Variants in WRNIP1 observed in about 807,000 individuals in gnomAD.
WRNIP1 encodes WRN helicase interacting protein 1, also known as ATPase WRNIP1.
WRNIP1 carries 41 observed loss-of-function variants against 56.1 expected under a neutral mutation model. That is an observed-to-expected ratio of 0.73 (90% CI 0.57 to 0.95). The LOEUF (loss-of-function observed/expected upper bound fraction) is 0.95, where lower values mean the gene tolerates loss of function less well. Ranked by LOEUF, WRNIP1 falls within the 40% of genes least tolerant of loss-of-function variation. WRNIP1 has a pLI of 0.00. For missense variants in WRNIP1, 1,170 were observed against 939.4 expected (o/e 1.25, Z -3.21); for synonymous variants, 547 against 398.1 (o/e 1.37, Z -4.45).
intron 1 of WRNIP1, among the ~76,000 whole-genome samples, chr6:2,767,475 C>G (rs1765069633): frequency 6.6e-6 from 1 of 152,346 alleles, no homozygotes; most frequent in South Asian, 2.1e-4. Flanking sequence ...CCTTTAACTC[C>G]AGTTCCTGGA....
chr6:2,766,096 CGAGGCGGAGGCGCAG>C lies in WRNIP1; in HGVS notation c.479_493del (p.Ala160_Glu164del). 1.5e-6 allele frequency: 2 copies of C among 1,314,978 alleles called. No homozygotes were observed. Among genetic ancestry groups the C allele is most frequent in the Non-Finnish European group, 1.9e-6 (2 of 1,039,554 alleles). 81.5% of individuals were successfully genotyped at this position (1,314,978 alleles called of 1,614,324 possible). ...GGAGCGCGTCTCCGCGCAGCTGGGACGAGGCGGAGGCGCAGGAGGAGGAGGAGGCCGTGGGCGACG... is the reference window on the plus strand; with the variant it reads ...GGAGCGCGTCTCCGCGCAGCTGGGACGAGGAGGAGGAGGCCGTGGGCGACG... On this transcript the variant is annotated inframe_deletion, in exon 1 of 7. Transcript: ENST00000380773.
rs1316583548 is a variant in WRNIP1 at position 2,785,399 on chromosome 6, C to T, written c.*117C>T. The stretch of plus-strand genomic sequence containing the variant: ...AGTTAGAACAGACCAACATTTTGTG[C>T]CAGAAATTTAAGAGTTCCATAGGTG... On this transcript the variant is annotated 3_prime_UTR_variant, in exon 7 of 7. Coordinates refer to ENST00000380773, the MANE Select transcript of WRNIP1 (RefSeq NM_020135.3). 6.4e-6 allele frequency: 8 copies of T among 1,250,478 alleles called. No homozygotes were observed. The highest frequency in any genetic ancestry group is 8.8e-6 in the Non-Finnish European group (8 of 912,644). The allele number at this position is 1,250,478 out of a possible 1,614,324, so 77.5% of individuals were successfully genotyped here.
At chr6:2,768,374 A>T (rs1001000656) in intron 1 of WRNIP1, among the ~76,000 whole-genome samples, 12 of 152,182 alleles carry the variant, frequency 7.9e-5, no homozygotes, top group Admixed American at 2.6e-4. Context: ...CTGCTAAATC[A>T]AGACAGCCGT....
Position 2,765,599 on chromosome 6 carries a change from G to C in WRNIP1, c.-24G>C. On this transcript the variant is annotated 5_prime_UTR_variant, in exon 1 of 7. Transcript: ENST00000380773. The stretch of plus-strand genomic sequence containing the variant: ...GCACGGGTTGCTGCGGCCGCGCCGG[G>C]CGCCGGGGAGGGCGGCGGCCGCCAT... The C allele has an allele frequency of 6.7e-7, 1 of 1,489,350 alleles. No homozygotes were observed. Among genetic ancestry groups the C allele is most frequent in the Non-Finnish European group, 8.9e-7 (1 of 1,127,214 alleles). 92.3% of individuals were successfully genotyped at this position (1,489,350 alleles called of 1,614,324 possible).
At chr6:2,783,653 T>TTTTTTCC in intron 5 of WRNIP1, 92 bp downstream of exon 5, 3 of 119,820 alleles carry the variant, frequency 2.5e-5, no homozygotes, top group African/African-American at 9.0e-5. Context: ...TTTTTTTTTT[T>TTTTTTCC]GCAGGGCGGG....
At position 2,770,259 on chromosome 6, in the gene WRNIP1, T is replaced by C. The variant is rs1470086796; in HGVS notation, c.1154T>C (p.Met385Thr). ...IVLEKLPVEA[M>T]VTILMRAINS... ...CTTGAGAAGCTTCCAGTAGAGGCAA[T>C]GGTGACTATTTTAATGCGAGCGATC... The change falls in exon 3 of 7, where the codon ATG becomes ACG. Residue 385 changes from methionine to threonine, a missense_variant. Physicochemically the swap from Met to Thr is moderately conservative, Grantham distance 81. Transcript: ENST00000380773. 1 of 1,613,996 alleles carries C rather than the reference T, an allele frequency of 6.2e-7. No individual in the cohort carries two copies.
intron 4 of WRNIP1, among the ~76,000 whole-genome samples, chr6:2,782,237 C>A (rs767939425): frequency 6.6e-6 from 1 of 152,208 alleles, no homozygotes; most frequent in Non-Finnish European, 1.5e-5. Context: ...GACACCCTCT[C>A]GGCCAGTGTC....
At chr6:2,773,084 C>A in intron 3 of WRNIP1, 7 of 985,358 alleles carry the variant, frequency 7.1e-6, no homozygotes, top group East Asian at 1.1e-4. Context: ...ATCAAGCTGC[C>A]GCTTAGCCGT....
chr6:2,767,990 C>T (rs539384813), intron 1 of WRNIP1, among the ~76,000 whole-genome samples: 10 of 152,332 alleles, frequency 6.6e-5, no homozygotes, highest in African/African-American at 2.2e-4. Context: ...ATTAAACAGT[C>T]TTCAGTTTTT....
At chr6:2,769,863 T>A (rs1457691113) in intron 2 of WRNIP1, among the ~76,000 whole-genome samples, 1 of 152,200 alleles carries the variant, frequency 6.6e-6, no homozygotes, top group Non-Finnish European at 1.5e-5. Context: ...TAAGCTAGAA[T>A]TCTACTTAAA....
chr6:2,770,428 GA>G, intron 3 of WRNIP1, 67 bp downstream of exon 3: 3 of 1,591,992 alleles, frequency 1.9e-6, no homozygotes, highest in South Asian at 1.1e-5. Flanking sequence ...CAGGGGGCCA[GA>G]AAGGGCCGGG....
Position 2,785,338 on chromosome 6 carries a change from A to T in WRNIP1, c.*56A>T. ...GCTTTTTTAAGGGAGGGCCAGAAAG[A>T]AAGTTAGTGGATTGCAAAGTTGGTT... is the stretch of plus-strand genomic sequence containing the variant. On this transcript the variant is annotated 3_prime_UTR_variant, in exon 7 of 7. Transcript: ENST00000380773. 6.3e-7 allele frequency: 1 copy of T among 1,580,084 alleles called. No homozygotes were observed. The highest frequency in any genetic ancestry group is 1.9e-4 in the Middle Eastern group (1 of 5,188).
rs1026840331 is a variant in WRNIP1 at position 2,785,476 on chromosome 6, C to T, written c.*194C>T. ...GTAACTTTGAAATTGTGTTCATTTG[C>T]ACTCGGTGCAGCGGTTATGCTTATG... On this transcript the variant is annotated 3_prime_UTR_variant, in exon 7 of 7. Transcript: ENST00000380773. The T allele has an allele frequency of 7.5e-5, 47 of 624,726 alleles. No individual in the cohort carries two copies. Among genetic ancestry groups the T allele is most frequent in the Middle Eastern group, 8.6e-4 (2 of 2,332 alleles). 38.7% of individuals were successfully genotyped at this position (624,726 alleles called of 1,614,324 possible). A position where few individuals can be genotyped will look rare whatever the true frequency, so the allele number is the denominator to read the frequency against.
rs145753965 is a variant in WRNIP1 at position 2,785,679 on chromosome 6, G to C, written c.*397G>C. The stretch of plus-strand genomic sequence containing the variant: ...AAAAATGTAATTGTGATTTAATACT[G>C]CATAGTGTTTTGGGTATTTTTTTTA... On this transcript the variant is annotated 3_prime_UTR_variant, in exon 7 of 7. Transcript: ENST00000380773. 5.5e-3 allele frequency: 1,018 copies of C among 186,058 alleles called. 13 individuals carry two copies. The highest frequency in any genetic ancestry group is 0.023 in the African/African-American group (959 of 42,124). 11.5% of individuals were successfully genotyped at this position (186,058 alleles called of 1,614,324 possible).
intron 3 of WRNIP1, 78 bp downstream of exon 3, chr6:2,770,439 G>T: frequency 6.3e-7 from 1 of 1,574,858 alleles, no homozygotes; most frequent in Non-Finnish European, 8.6e-7. Flanking sequence ...AAAGGGCCGG[G>T]CGTCAGTGAG....
Position 2,785,160 on chromosome 6 carries a change from A to C in WRNIP1, c.1876A>C (p.Met626Leu). 6.2e-7 allele frequency: 1 copy of C among 1,614,190 alleles called. No individual in the cohort carries two copies. Among genetic ancestry groups the C allele is most frequent in the African/African-American group, 1.3e-5 (1 of 75,036 alleles). The change falls in exon 7 of 7, where the codon ATG becomes CTG. Residue 626 changes from methionine (M) to leucine (L), a missense_variant. Coordinates refer to ENST00000380773, the MANE Select transcript of WRNIP1 (RefSeq NM_020135.3). ...LHLRNAPTRL[M>L]KDLGYGKGYK... ...CCTGAGGAACGCGCCCACTAGGCTG[A>C]TGAAGGATTTGGGCTATGGCAAAGG...
chr6:2,783,988 G>A (rs1765646428), intron 5 of WRNIP1, among the ~76,000 whole-genome samples: 1 of 152,040 alleles, frequency 6.6e-6, no homozygotes, highest in African/African-American at 2.4e-5. Context: ...CCTCTTCTTT[G>A]GTCTTAGGGG....
At chr6:2,771,254 G>T (rs765273435) in intron 3 of WRNIP1, among the ~76,000 whole-genome samples, 3 of 152,216 alleles carry the variant, frequency 2.0e-5, no homozygotes, top group Non-Finnish European at 4.4e-5. Context: ...TCAGGGTTTA[G>T]GTTTCACCAG....
intron 4 of WRNIP1, among the ~76,000 whole-genome samples, 164 bp downstream of exon 4, chr6:2,779,656 C>T (rs917697881): frequency 6.6e-6 from 1 of 152,202 alleles, no homozygotes; most frequent in Non-Finnish European, 1.5e-5. Context: ...GCCTTCTACA[C>T]AGGGCTGACC....
Sources: allele counts gnomAD v4.1 joint callset (sites outside exome capture counted in the v4.1 genomes callset), GRCh38; gene constraint gnomAD v4.1.1; transcripts MANE v1.5; gene names NCBI Gene and HGNC (gene_info 2026-07-23, HGNC 2026-07-21).